Variants in LRRC7 observed in about 807,000 individuals in gnomAD.
The protein encoded by LRRC7 is leucine-rich repeat-containing protein 7.
A neutral mutation model predicts 175.7 loss-of-function variants in LRRC7; 23 were observed. The ratio of observed to expected loss-of-function variants is 0.13; its 90% confidence interval spans 0.09 to 0.19. The LOEUF is 0.19. LRRC7 is among the 10% of genes least tolerant of loss of function. The pLI is 1.00. For synonymous variants in LRRC7, 685 were observed against 680.9 expected, an observed-to-expected ratio of 1.01 and a Z score of -0.09; for missense variants, 1,354 against 1,904.7, an observed-to-expected ratio of 0.71 and a Z score of 5.38.
chr1:69,779,044 A>T (rs1673175567), intron 3 of LRRC7, among the ~76,000 whole-genome samples: 1 of 151,846 alleles, frequency 6.6e-6, no homozygotes, highest in Admixed American at 6.6e-5. Context: ...ACACACACAC[A>T]CACAGATACA....
At chr1:69,854,590 C>T (rs1331920962) in intron 7 of LRRC7, among the ~76,000 whole-genome samples, 1 of 152,110 alleles carries the variant, frequency 6.6e-6, no homozygotes, top group Non-Finnish European at 1.5e-5. Context: ...CTGAGGGTAA[C>T]TTGATCCAAG....
chr1:69,819,577 C>CTCTGTGTGTGTG (rs1553160548), intron 4 of LRRC7, among the ~76,000 whole-genome samples: 1 of 114,906 alleles, frequency 8.7e-6, no homozygotes, highest in Non-Finnish European at 1.9e-5. Flanking sequence ...CTCTCTCTCT[C>CTCTGTGTGTGTG]TGTGTGTGTG....
At chr1:69,996,389 CAGA>C (rs1654971235) in intron 11 of LRRC7, among the ~76,000 whole-genome samples, 1 of 152,148 alleles carries the variant, frequency 6.6e-6, no homozygotes, top group Non-Finnish European at 1.5e-5. Context: ...TTTTGCTGTG[CAGA>C]AGCTCTTTAA....
At chr1:69,744,933 C>G (rs981819993) in intron 2 of LRRC7, among the ~76,000 whole-genome samples, 6 of 151,572 alleles carry the variant, frequency 4.0e-5, no homozygotes, top group African/African-American at 1.5e-4. Flanking sequence ...AAAGATGTAC[C>G]CTTTATTTAA....
At chr1:69,905,200 A>G (rs1036718053) in intron 7 of LRRC7, among the ~76,000 whole-genome samples, 4 of 152,034 alleles carry the variant, frequency 2.6e-5, no homozygotes, top group African/African-American at 9.7e-5. Flanking sequence ...CTTTGGGTAT[A>G]TATCCAATAA....
intron 8 of LRRC7, among the ~76,000 whole-genome samples, chr1:69,965,419 T>C (rs1301853459): frequency 6.6e-6 from 1 of 152,216 alleles, no homozygotes; most frequent in South Asian, 2.1e-4. Flanking sequence ...GAATATATTA[T>C]GCTCATATTC....
chr1:69,615,238 A>G (rs1442357875), intron 1 of LRRC7, among the ~76,000 whole-genome samples: 4 of 152,090 alleles, frequency 2.6e-5, no homozygotes, highest in Middle Eastern at 3.4e-3. Flanking sequence ...TTTTATTTCC[A>G]TCTCCCTTTC....
At chr1:69,673,988 T>C (rs1463932824) in intron 1 of LRRC7, among the ~76,000 whole-genome samples, 2 of 151,900 alleles carry the variant, frequency 1.3e-5, no homozygotes, top group African/African-American at 4.8e-5. Context: ...ATAAATATCA[T>C]ATTTATATAT....
chr1:69,626,781 T>TTC (rs1348382819), intron 1 of LRRC7, among the ~76,000 whole-genome samples: 3 of 144,076 alleles, frequency 2.1e-5, no homozygotes, highest in Non-Finnish European at 4.5e-5. Context: ...TGTGCAAGTG[T>TTC]TCTCATTGTT....
intron 7 of LRRC7, among the ~76,000 whole-genome samples, chr1:69,905,647 C>T (rs1646281033): frequency 6.6e-6 from 1 of 152,136 alleles, no homozygotes; most frequent in Non-Finnish European, 1.5e-5. Flanking sequence ...TTTCTTAATC[C>T]AGTCTATCAT....
At chr1:69,863,461 A>G (rs563209852) in intron 7 of LRRC7, among the ~76,000 whole-genome samples, 11 of 152,304 alleles carry the variant, frequency 7.2e-5, no homozygotes, top group Non-Finnish European at 1.5e-4. Context: ...TGCCCAGTGC[A>G]TGGTATGCAT....
intron 7 of LRRC7, among the ~76,000 whole-genome samples, chr1:69,912,475 T>C (rs1026679063): frequency 6.6e-6 from 1 of 152,216 alleles, no homozygotes; most frequent in Admixed American, 6.5e-5. Flanking sequence ...TAGTAACTGA[T>C]TATGTTTCTC....
intron 1 of LRRC7, among the ~76,000 whole-genome samples, chr1:69,627,166 T>C (rs1334485409): frequency 6.6e-6 from 1 of 152,202 alleles, no homozygotes. Context: ...TCCATAATGG[T>C]TGAACTAGTT....
chr1:69,909,988 C>G (rs935433045), intron 7 of LRRC7, among the ~76,000 whole-genome samples: 2 of 152,122 alleles, frequency 1.3e-5, no homozygotes, highest in African/African-American at 4.8e-5. Context: ...TCTTTTTTCT[C>G]TAAACTTCCC....
At chr1:69,781,597 G>A (rs868632058) in intron 3 of LRRC7, among the ~76,000 whole-genome samples, 4 of 149,714 alleles carry the variant, frequency 2.7e-5, no homozygotes, top group Admixed American at 6.8e-5. Context: ...CAGGAGAATC[G>A]CTTGAACCTG....
rs1483891520 is a variant in LRRC7, at chr1:70,140,668, T to C, written c.*18781T>C. 1 of 152,132 alleles carries C rather than the reference T, an allele frequency of 6.6e-6. No individual in the cohort carries two copies. Among genetic ancestry groups the C allele is most frequent in the Non-Finnish European group, 1.5e-5 (1 of 67,998 alleles). 9.4% of individuals were successfully genotyped at this position (152,132 alleles called of 1,614,324 possible). On this transcript the variant is annotated 3_prime_UTR_variant, in exon 27 of 27. Coordinates refer to ENST00000651989, the MANE Select transcript of LRRC7 (RefSeq NM_001370785.2). ...GACTACAGTTCCCTTGGCTAATGCC[T>C]CTAATCCTTTACTCTCTTGCATGCA... is the stretch of plus-strand genomic sequence containing the variant.
intron 1 of LRRC7, among the ~76,000 whole-genome samples, chr1:69,664,361 TTA>T (rs762926790): frequency 1.3e-5 from 2 of 152,190 alleles, no homozygotes; most frequent in Non-Finnish European, 2.9e-5. Flanking sequence ...TGTTTTATTT[TTA>T]GTTTTTTCAG....
chr1:69,627,162 A>G (rs993966434), intron 1 of LRRC7, among the ~76,000 whole-genome samples: 10 of 152,178 alleles, frequency 6.6e-5, no homozygotes, highest in African/African-American at 2.4e-4. Flanking sequence ...GACTTCCATA[A>G]TGGTTGAACT....
chr1:69,919,656 T>C (rs1225619272), intron 7 of LRRC7: 17 of 912,636 alleles, frequency 1.9e-5, no homozygotes, highest in Non-Finnish European at 2.4e-5. Flanking sequence ...GAGAAGGACT[T>C]TGAGTCTCCG....
Sources: gnomAD v4.1 joint callset for allele counts (sites outside exome capture counted in the v4.1 genomes callset) on GRCh38, gnomAD v4.1.1 for gene constraint, MANE v1.5 for transcripts, NCBI Gene and HGNC (gene_info 2026-07-23, HGNC 2026-07-21) for gene names.